The following UGT2B7 variants were observed in gnomAD, a reference collection of about 807,000 sequenced individuals.
UGT2B7 encodes the protein UDP glucuronosyltransferase family 2 member B7.
In UGT2B7, 51 loss-of-function variants were observed where a neutral mutation model predicts 51.9. The observed-to-expected ratio is 0.98, with a 90% CI of 0.78 to 1.24. UGT2B7 has a LOEUF of 1.24. Among genes scored for constraint, UGT2B7 ranks in the 50% most tolerant of loss-of-function variants. The pLI is 0.00. For synonymous variants in UGT2B7, 225 were observed against 211.6 expected, an observed-to-expected ratio of 1.06 and a Z score of -0.55; for missense variants, 727 against 628.4, an observed-to-expected ratio of 1.16 and a Z score of -1.68.
intron 1 of UGT2B7, among the ~76,000 whole-genome samples, chr4:69,079,224 C>A (rs4694610): frequency 6.6e-6 from 1 of 151,970 alleles, no homozygotes; most frequent in East Asian, 1.9e-4. Flanking sequence ...GAAGCTGCAC[C>A]CTTCTGCTGC....
At chr4:69,059,294 C>T (rs1032851353) in intron 1 of UGT2B7, among the ~76,000 whole-genome samples, 4 of 152,282 alleles carry the variant, frequency 2.6e-5, no homozygotes, top group Admixed American at 6.5e-5. Context: ...TGAAAAGAGG[C>T]CCATCGGTTG....
intron 1 of UGT2B7, among the ~76,000 whole-genome samples, chr4:69,063,811 C>A (rs1350987538): frequency 6.6e-6 from 1 of 151,968 alleles, no homozygotes; most frequent in Non-Finnish European, 1.5e-5. Flanking sequence ...GCTTAATGTT[C>A]CCTTGCCTCT....
At chr4:69,070,745 C>T (rs1250205650) in intron 1 of UGT2B7, among the ~76,000 whole-genome samples, 1 of 151,986 alleles carries the variant, frequency 6.6e-6, no homozygotes, top group Non-Finnish European at 1.5e-5. Flanking sequence ...TTGGCAGGAT[C>T]ACATTTTATT....
intron 1 of UGT2B7, among the ~76,000 whole-genome samples, chr4:69,058,782 C>T (rs1718275323): frequency 6.6e-6 from 1 of 152,132 alleles, no homozygotes; most frequent in African/African-American, 2.4e-5. Context: ...AGAGGCTAAT[C>T]AAAGGCTTAA....
At chr4:69,075,405 CCTT>C (rs944097308) in intron 1 of UGT2B7, among the ~76,000 whole-genome samples, 6 of 152,052 alleles carry the variant, frequency 3.9e-5, no homozygotes, top group African/African-American at 1.4e-4. Context: ...CTTTCTCTCT[CCTT>C]CTCCCTCTTT....
At chr4:69,111,520 C>T (rs1375420379) in intron 5 of UGT2B7, among the ~76,000 whole-genome samples, 3 of 152,060 alleles carry the variant, frequency 2.0e-5, no homozygotes, top group Non-Finnish European at 1.5e-5. Context: ...CTTAAAAGGG[C>T]TCATGATGTT....
chr4:69,054,903 A>C (rs1399785669), intron 1 of UGT2B7, among the ~76,000 whole-genome samples: 1 of 152,006 alleles, frequency 6.6e-6, no homozygotes, highest in Non-Finnish European at 1.5e-5. Flanking sequence ...GTAGGAAAAA[A>C]GATTGCTACA....
intron 5 of UGT2B7, among the ~76,000 whole-genome samples, chr4:69,110,999 A>G (rs1387481424): frequency 1.3e-5 from 2 of 152,192 alleles, no homozygotes; most frequent in African/African-American, 4.8e-5. Context: ...GTTCCATCAT[A>G]ATGTGGCCAG....
At chr4:69,087,341 T>C (rs1284100185) in intron 1 of UGT2B7, among the ~76,000 whole-genome samples, 2 of 152,008 alleles carry the variant, frequency 1.3e-5, no homozygotes, top group African/African-American at 2.4e-5. Flanking sequence ...CATAATTTTG[T>C]CTTCCACATA....
upstream of UGT2B7, chr4:69,096,438 T>C: frequency 2.5e-6 from 4 of 1,588,998 alleles, no homozygotes; most frequent in Non-Finnish European, 3.4e-6. Flanking sequence ...TTTTAACTTC[T>C]TGGCTAATTT....
rs1719675805 is a variant in UGT2B7, at chr4:69,108,361, G to T, written c.1310+39G>T. ...TATTTTTCACTAGGTGGTATTTACA[G>T]ATAGCTTCTCTTGTCAATAGTGAGT... On this transcript the variant is annotated intron_variant, in intron 5 of 5. Transcript: ENST00000305231. 4 of 1,603,716 alleles carry T rather than the reference G, an allele frequency of 2.5e-6. No homozygotes were observed. The African/African-American group carries it at 5.4e-5, about 21-fold the overall frequency.
intron 1 of UGT2B7, among the ~76,000 whole-genome samples, chr4:69,071,698 G>T (rs7434389): frequency 0.43 from 65,167 of 151,818 alleles, 15,533 homozygotes; most frequent in African/African-American, 0.64. Flanking sequence ...TTATTATAAT[G>T]TCTAGAAAAG....
intron 5 of UGT2B7, among the ~76,000 whole-genome samples, chr4:69,111,877 G>T (rs568911551): frequency 6.6e-6 from 1 of 152,196 alleles, no homozygotes; most frequent in Admixed American, 6.5e-5. Flanking sequence ...ACACAAATTC[G>T]ATGTCAATTC....
intron 1 of UGT2B7, among the ~76,000 whole-genome samples, chr4:69,066,134 A>G (rs1048569387): frequency 1.3e-5 from 2 of 152,206 alleles, no homozygotes; most frequent in Admixed American, 6.5e-5. Flanking sequence ...CAGATATGCT[A>G]TCATTTCAAT....
chr4:69,087,204 G>A (rs1477210742), intron 1 of UGT2B7, among the ~76,000 whole-genome samples: 1 of 151,252 alleles, frequency 6.6e-6, no homozygotes, highest in Non-Finnish European at 1.5e-5. Context: ...CATGCCATTT[G>A]TGTTTGTTGT....
At chr4:69,086,587 T>C (rs965983111) in intron 1 of UGT2B7, among the ~76,000 whole-genome samples, 1 of 151,910 alleles carries the variant, frequency 6.6e-6, no homozygotes, top group African/African-American at 2.4e-5. Flanking sequence ...TGCACTCTTC[T>C]ACTATTATCA....
At chr4:69,099,985 G>A (rs1026658171) in intron 2 of UGT2B7, among the ~76,000 whole-genome samples, 2 of 152,080 alleles carry the variant, frequency 1.3e-5, no homozygotes, top group African/African-American at 4.8e-5. Context: ...GTATTGCAGC[G>A]TAAAACACTT....
intron 1 of UGT2B7, among the ~76,000 whole-genome samples, chr4:69,062,887 G>A (rs1485187267): frequency 2.6e-5 from 4 of 152,130 alleles, no homozygotes; most frequent in Non-Finnish European, 5.9e-5. Context: ...TTGCTCTTGT[G>A]CTATTGTTTA....
rs1257760875 is a variant in UGT2B7 at position 69,080,473 on chromosome 4, A to C, written c.-158-8999A>C. Among the ~76,000 whole-genome samples the C allele has an allele frequency of 2.0e-5, 3 of 151,890 alleles. No homozygotes were observed. In the East Asian group the frequency reaches 5.8e-4, roughly 29 times the overall value. On this transcript the variant is annotated intron_variant, in intron 1 of 5. Transcript: ENST00000502942. ...TAAGGCACAAGAATTGCATGAACCA[A>C]GAAGGCAGAAGTTGCAGTGAGCTGA...
Sources: allele counts gnomAD v4.1 joint callset (sites outside exome capture counted in the v4.1 genomes callset), GRCh38; gene constraint gnomAD v4.1.1; transcripts MANE v1.5; gene names NCBI Gene and HGNC (gene_info 2026-07-23, HGNC 2026-07-21).